Variants in CSDE1 observed in about 807,000 individuals in gnomAD.
The protein encoded by CSDE1 is cold shock domain containing E1, also known as cold shock domain-containing protein E1.
In CSDE1, 17 loss-of-function variants were observed where a neutral mutation model predicts 89.3. That is an observed-to-expected ratio of 0.19 (90% CI 0.13 to 0.29). The LOEUF (loss-of-function observed/expected upper bound fraction) is 0.29, where lower values mean the gene tolerates loss of function less well. CSDE1 is among the 10% of genes least tolerant of loss of function. The pLI is 1.00. For missense variants in CSDE1, 672 were observed against 984.2 expected (o/e 0.68, Z 4.24); for synonymous variants, 322 against 332.8 (o/e 0.97, Z 0.35).
intron 2 of CSDE1, among the ~76,000 whole-genome samples, chr1:114,748,056 G>T (rs1249733899): frequency 1.3e-5 from 2 of 152,080 alleles, no homozygotes; most frequent in Non-Finnish European, 2.9e-5. Flanking sequence ...AAATAACAGT[G>T]TCTGTTTATG....
chr1:114,727,366 C>T (rs1370413388), intron 12 of CSDE1, among the ~76,000 whole-genome samples: 4 of 152,100 alleles, frequency 2.6e-5, no homozygotes. Flanking sequence ...TTTAATACAC[C>T]TGCGCTCCTC....
chr1:114,738,669 T>C (rs1660543252), intron 3 of CSDE1, among the ~76,000 whole-genome samples: 1 of 124,408 alleles, frequency 8.0e-6, no homozygotes, highest in Non-Finnish European at 1.7e-5. Flanking sequence ...AACTTTTTTT[T>C]TTTTTTTTTT....
intron 19 of CSDE1, 116 bp downstream of exon 19, chr1:114,718,497 A>G: frequency 2.2e-6 from 3 of 1,369,316 alleles, no homozygotes; most frequent in Admixed American, 2.4e-5. Flanking sequence ...ACTAGTTATA[A>G]GCAATATGGA....
chr1:114,725,540 C>G (rs1158701934), intron 14 of CSDE1, among the ~76,000 whole-genome samples: 3 of 152,114 alleles, frequency 2.0e-5, no homozygotes, highest in African/African-American at 7.2e-5. Context: ...GATAATGAAA[C>G]TAAGATACCA....
At chr1:114,723,780 T>C in intron 16 of CSDE1, 103 bp downstream of exon 16, 1 of 1,526,208 alleles carries the variant, frequency 6.6e-7, no homozygotes. Flanking sequence ...AATTCAGTTT[T>C]AAACCTAAAA....
Position 114,734,343 on chromosome 1 carries a change from G to C in CSDE1, c.582+99C>G. On this transcript the variant is annotated intron_variant, in intron 7 of 19. Transcript: ENST00000358528. ...GGTTAACAGTGAAATATTTTAAAAG[G>C]GTAAGATAAAAAAGAAAAAAAAAAA... The C allele has an allele frequency of 5.1e-6, 6 of 1,174,794 alleles. No individual in the cohort carries two copies. The South Asian group carries it at 8.3e-5, about 16-fold the overall frequency. The allele number at this position is 1,174,794 out of a possible 1,614,324, so 72.8% of individuals were successfully genotyped here.
At chr1:114,739,018 A>G (rs892162322) in intron 3 of CSDE1, among the ~76,000 whole-genome samples, 1 of 151,088 alleles carries the variant, frequency 6.6e-6, no homozygotes, top group Non-Finnish European at 1.5e-5. Context: ...ATGAATTTCC[A>G]TATAATCTAA....
At chr1:114,751,426 C>T (rs1025223541) in intron 1 of CSDE1, among the ~76,000 whole-genome samples, 5 of 152,218 alleles carry the variant, frequency 3.3e-5, no homozygotes, top group African/African-American at 1.2e-4. Flanking sequence ...ATAGCTCAGA[C>T]CAGAAGAGCC....
intron 14 of CSDE1, 142 bp from the exon 15 acceptor site, chr1:114,725,475 CTCATT>C (rs1362891096): frequency 1.2e-5 from 8 of 674,122 alleles, no homozygotes; most frequent in Non-Finnish European, 2.1e-5. Context: ...TATGTATTGA[CTCATT>C]TAATCCTCAA....
intron 1 of CSDE1, among the ~76,000 whole-genome samples, chr1:114,751,953 C>A (rs1661332370): frequency 6.6e-6 from 1 of 152,118 alleles, no homozygotes; most frequent in Non-Finnish European, 1.5e-5. Flanking sequence ...TGTCACATAC[C>A]ACCACCAGAC....
chr1:114,732,557 T>C (rs374454157), intron 10 of CSDE1, 47 bp downstream of exon 10: 29 of 1,569,708 alleles, frequency 1.8e-5, no homozygotes, highest in South Asian at 4.5e-5. Flanking sequence ...GAATATAACA[T>C]TGGCTTTCGC....
At chr1:114,723,066 C>T (rs936655430) in intron 16 of CSDE1, among the ~76,000 whole-genome samples, 1 of 151,968 alleles carries the variant, frequency 6.6e-6, no homozygotes, top group Non-Finnish European at 1.5e-5. Context: ...ACCATGCTGG[C>T]CAGGCTGGTC....
At position 114,739,698 on chromosome 1, in the gene CSDE1, C is replaced by T. The variant is rs1660615688; in HGVS notation, c.193G>A (p.Val65Ile). ...QYNGNLQDLK[V>I]GDDVEFEVSS... ...AGGAGAACTGACAGATTACCTCCTA[C>T]TTTTAAGTCTTGCAGGTTGCCATTA... Residue 65 changes from valine to isoleucine, a missense_variant, in exon 3 of 20, where the codon GTA becomes ATA. Val to Ile is a conservative substitution (Grantham distance 29). This residue lies in a region of CSDE1 where 34 missense variants were observed against 73.3 expected (regional missense o/e 0.46). Coordinates refer to ENST00000358528, the MANE Select transcript of CSDE1 (RefSeq NM_001007553.3). 6.2e-7 allele frequency: 1 copy of T among 1,603,138 alleles called. No individual in the cohort carries two copies. The highest frequency in any genetic ancestry group is 8.5e-7 in the Non-Finnish European group (1 of 1,170,462).
rs751452977 is a variant in CSDE1, at chr1:114,737,444, A to C, written c.402+27T>G. 7.8e-6 allele frequency: 12 copies of C among 1,542,070 alleles called. No homozygotes were observed. In the Admixed American group the frequency reaches 2.0e-4, roughly 26 times the overall value. On this transcript the variant is annotated intron_variant, in intron 5 of 19. Transcript: ENST00000358528. ...ATAGATCACATGGTGGATCAGGCAA[A>C]GGTTTAAGAAAAATACACAAGTTTA...
chr1:114,724,147 G>A, intron 15 of CSDE1, 145 bp from the exon 16 acceptor site: 1 of 718,876 alleles, frequency 1.4e-6, no homozygotes, highest in East Asian at 3.0e-5. Context: ...CTGAAGCCAA[G>A]TTCTATTTTT....
At chr1:114,755,588 T>A (rs1558012123) in intron 1 of CSDE1, among the ~76,000 whole-genome samples, 1 of 152,222 alleles carries the variant, frequency 6.6e-6, no homozygotes, top group Non-Finnish European at 1.5e-5. Context: ...AAGGACTTTT[T>A]AAAATCCTGA....
rs1659798742 is a variant in CSDE1, at chr1:114,726,367, T to C, written c.1484A>G (p.Asp495Gly). The C allele has an allele frequency of 6.2e-7, 1 of 1,609,440 alleles. No homozygotes were observed. Among genetic ancestry groups the C allele is most frequent in the Non-Finnish European group, 8.5e-7 (1 of 1,178,486 alleles). Reference sequence around the variant, plus strand: ...AACCTGCTGTCCAGGCCTCTGTTTGTCACTAATACTAAATTCAACCTGTGA... The same window carrying C: ...AACCTGCTGTCCAGGCCTCTGTTTGCCACTAATACTAAATTCAACCTGTGA... ...IGDKVEFSIS[D>G]KQRPGQQVAT... is the part of the protein sequence containing the mutation. Residue 495 changes from aspartate to glycine, a missense_variant, in exon 14 of 20, where the codon GAC (aspartate) becomes GGC (glycine). Physicochemically the swap from Asp to Gly is moderately conservative, Grantham distance 94. Around this residue, in one of 8 missense-constraint regions of CSDE1, gnomAD observed 108 missense variants for 105.0 expected, o/e 1.03. Transcript: ENST00000358528.
chr1:114,748,146 T>C (rs898483445), intron 2 of CSDE1, among the ~76,000 whole-genome samples: 2 of 152,230 alleles, frequency 1.3e-5, no homozygotes, highest in Non-Finnish European at 2.9e-5. Context: ...CACTATTACA[T>C]AATCCTTCAA....
intron 4 of CSDE1, 114 bp downstream of exon 4, chr1:114,737,849 T>C: frequency 4.0e-6 from 3 of 742,870 alleles, no homozygotes; most frequent in South Asian, 1.7e-5. Flanking sequence ...AATCTTTATA[T>C]ACTATAGCTC....
Sources: allele counts gnomAD v4.1 joint callset (sites outside exome capture counted in the v4.1 genomes callset), GRCh38; gene constraint gnomAD v4.1.1; regional missense constraint gnomAD v4.1.1; transcripts MANE v1.5; gene names NCBI Gene and HGNC (gene_info 2026-07-23, HGNC 2026-07-21).